The following STOML3 variants were observed in gnomAD, a reference collection of about 807,000 sequenced individuals.
The protein encoded by STOML3 is stomatin-like protein 3.
A neutral mutation model predicts 29.5 loss-of-function variants in STOML3; 31 were observed. That is an observed-to-expected ratio of 1.05 (90% CI 0.79 to 1.42). The LOEUF (loss-of-function observed/expected upper bound fraction) is 1.42. Ranked by LOEUF, STOML3 falls within the 40% of genes most tolerant of loss-of-function variation. The pLI is 0.00. For missense variants in STOML3, 380 were observed against 363.0 expected, an observed-to-expected ratio of 1.05 and a Z score of -0.38; for synonymous variants, 122 against 139.8, an observed-to-expected ratio of 0.87 and a Z score of 0.90.
chr13:38,981,357 C>G (rs1881262005), intron 1 of STOML3, among the ~76,000 whole-genome samples: 1 of 152,092 alleles, frequency 6.6e-6, no homozygotes. Context: ...GATTAAATAC[C>G]CTTTAGGACC....
chr13:38,978,830 G>A (rs1019473673), intron 1 of STOML3, among the ~76,000 whole-genome samples: 3 of 152,124 alleles, frequency 2.0e-5, no homozygotes, highest in Non-Finnish European at 2.9e-5. Flanking sequence ...TCTTATAAGC[G>A]ATGTTTTGAT....
In STOML3 at chr13:38,968,535, C is replaced by A; in HGVS notation, c.517-1G>T. 1 of 1,613,998 alleles carries A rather than the reference C, an allele frequency of 6.2e-7. No individual in the cohort carries two copies. The highest frequency in any genetic ancestry group is 8.5e-7 in the Non-Finnish European group (1 of 1,179,924). On this transcript the variant is annotated splice_acceptor_variant, in intron 5 of 6. Coordinates refer to ENST00000379631, the MANE Select transcript of STOML3 (RefSeq NM_145286.3). LOFTEE classifies it high-confidence loss of function. ...GTTCGGTGGCATCATCAAGTAAAGT[C>A]TGTTTCCAAATTAAAAGGGAAGACT...
chr13:38,973,329 T>A (rs1458925213), intron 3 of STOML3, among the ~76,000 whole-genome samples: 1 of 152,088 alleles, frequency 6.6e-6, no homozygotes, highest in Non-Finnish European at 1.5e-5. Flanking sequence ...GTTGTGATAA[T>A]GGCATATGTC....
chr13:38,980,908 A>G (rs910863982), intron 1 of STOML3, among the ~76,000 whole-genome samples: 1 of 152,226 alleles, frequency 6.6e-6, no homozygotes, highest in Non-Finnish European at 1.5e-5. Context: ...ACTCTGCTGC[A>G]CTTACTTCTA....
intron 5 of STOML3, among the ~76,000 whole-genome samples, chr13:38,969,289 G>T (rs1181758084): frequency 1.3e-5 from 2 of 152,128 alleles, no homozygotes; most frequent in African/African-American, 4.8e-5. Context: ...GAAATGGTAG[G>T]ATCAAAAGGA....
chr13:38,971,422 C>G (rs964365898), intron 4 of STOML3, among the ~76,000 whole-genome samples: 2 of 152,132 alleles, frequency 1.3e-5, no homozygotes, highest in African/African-American at 4.8e-5. Context: ...CTGAACCAGA[C>G]AGAAGAAAAT....
chr13:38,988,626 ATAT>A (rs564462868), intron 1 of STOML3, among the ~76,000 whole-genome samples: 1,254 of 124,434 alleles, frequency 0.01, 62 homozygotes, highest in African/African-American at 0.033. Flanking sequence ...TATATATAAT[ATAT>A]TATATTTTAT....
At chr13:38,970,736 A>G (rs1382716332) in intron 4 of STOML3, among the ~76,000 whole-genome samples, 1 of 152,196 alleles carries the variant, frequency 6.6e-6, no homozygotes, top group African/African-American at 2.4e-5. Flanking sequence ...AAGCAGAAGT[A>G]GAACACTTGT....
At chr13:38,990,520 C>A in intron 1 of STOML3, 150 bp downstream of exon 1, 1 of 601,556 alleles carries the variant, frequency 1.7e-6, no homozygotes, top group South Asian at 4.2e-5. Flanking sequence ...TCAGCATAAG[C>A]AATGAATTCA....
chr13:38,971,709 G>A (rs1880872661), intron 4 of STOML3, among the ~76,000 whole-genome samples: 1 of 152,190 alleles, frequency 6.6e-6, no homozygotes. Flanking sequence ...GATTACCTGA[G>A]GTCAGGAGTT....
chr13:38,980,566 T>A (rs1188663283), intron 1 of STOML3, among the ~76,000 whole-genome samples: 2 of 152,002 alleles, frequency 1.3e-5, no homozygotes, highest in Non-Finnish European at 2.9e-5. Context: ...ACAACACCTT[T>A]TTGGTCACTA....
rs1179750109 is a variant in STOML3, at chr13:38,990,139, GTT to G, written c.52+529_52+530del. Among the ~76,000 whole-genome samples, 3 of 152,108 alleles carry G rather than the reference GTT, an allele frequency of 2.0e-5. No homozygotes were observed. The East Asian group carries it at 5.8e-4, about 29-fold the overall frequency. ...ATAGTAGTTGGTACTTATAAGCTAA[GTT>G]TTTTTTCTCAACTTCTCTCCATTTA... On this transcript the variant is annotated intron_variant, in intron 1 of 6. Coordinates refer to ENST00000379631, the MANE Select transcript of STOML3 (RefSeq NM_145286.3).
chr13:38,977,332 C>A (rs577349079), intron 1 of STOML3, among the ~76,000 whole-genome samples: 1 of 152,282 alleles, frequency 6.6e-6, no homozygotes, highest in East Asian at 1.9e-4. Flanking sequence ...GGATAGAAGA[C>A]CACTCAGTCT....
At chr13:38,983,225 C>T (rs561465400) in intron 1 of STOML3, among the ~76,000 whole-genome samples, 1 of 152,146 alleles carries the variant, frequency 6.6e-6, no homozygotes, top group Non-Finnish European at 1.5e-5. Context: ...CTTATGACCT[C>T]CCCCTCAGGG....
rs138456311 is a variant in STOML3 at position 38,979,220 on chromosome 13, A to G, written c.53-2423T>C. ...CTCCCAAAGCTTTGGACCCACATGG[A>G]GGTGAATCAGACTATCATTACACAA... is the stretch of plus-strand genomic sequence containing the variant. On this transcript the variant is annotated intron_variant, in intron 1 of 6. Transcript: ENST00000379631. 4.6e-5 allele frequency among the ~76,000 whole-genome samples: 7 copies of G among 152,346 alleles called. No individual in the cohort carries two copies. In the East Asian group the frequency reaches 1.3e-3, roughly 29 times the overall value.
At chr13:38,987,263 C>T (rs960486657) in intron 1 of STOML3, among the ~76,000 whole-genome samples, 1 of 152,094 alleles carries the variant, frequency 6.6e-6, no homozygotes, top group African/African-American at 2.4e-5. Context: ...TGGCTCATGC[C>T]TGTAATCCTA....
chr13:38,968,514 G>A lies in STOML3; in HGVS notation c.537C>T (p.Thr179=), dbSNP rs144772919. 3.3e-4 allele frequency: 540 copies of A among 1,614,092 alleles called. 1 individual carries two copies. The African/African-American group carries it at 5.8e-3, about 17-fold the overall frequency. The part of the protein sequence containing the change: ...HSIQTLLDDA[T]ELWGIRVARV... ...GGGCCACCCGGATCCCCCACAGTTC[G>A]GTGGCATCATCAAGTAAAGTCTGTT... The change falls in exon 6 of 7, where the codon ACC becomes ACT. Residue 179 remains threonine, a synonymous_variant. Transcript: ENST00000379631.
chr13:38,985,093 T>G (rs1321540059), intron 1 of STOML3, among the ~76,000 whole-genome samples: 1 of 152,138 alleles, frequency 6.6e-6, no homozygotes, highest in African/African-American at 2.4e-5. Context: ...TCTCCATACA[T>G]TCCGCCTGAC....
At chr13:38,986,642 G>A (rs939255220) in intron 1 of STOML3, among the ~76,000 whole-genome samples, 10 of 152,174 alleles carry the variant, frequency 6.6e-5, no homozygotes, top group East Asian at 1.9e-4. Context: ...AGGAAAACAC[G>A]AGGGGTAAAC....
Sources: gnomAD v4.1 joint callset for allele counts (sites outside exome capture counted in the v4.1 genomes callset) on GRCh38, gnomAD v4.1.1 for gene constraint, MANE v1.5 for transcripts, NCBI Gene and HGNC (gene_info 2026-07-23, HGNC 2026-07-21) for gene names.